Variants in VWA5B1 observed in about 807,000 individuals in gnomAD.
The protein encoded by VWA5B1 is von Willebrand factor A domain containing 5B1, also known as von Willebrand factor A domain-containing protein 5B1.
A neutral mutation model predicts 118.2 loss-of-function variants in VWA5B1; 115 were observed. The observed-to-expected ratio is 0.97, with a 90% confidence interval of 0.84 to 1.14. The LOEUF (loss-of-function observed/expected upper bound fraction) is 1.14. Ranked by LOEUF, VWA5B1 falls within the 50% of genes most tolerant of loss-of-function variation. The pLI, the probability that VWA5B1 is intolerant of heterozygous loss-of-function variation, is 0.00. For synonymous variants in VWA5B1, 682 were observed against 658.4 expected, an observed-to-expected ratio of 1.04 and a Z score of -0.55; for missense variants, 1,596 against 1,603.8, an observed-to-expected ratio of 1.00 and a Z score of 0.08.
rs12097335 is a variant in VWA5B1 at position 20,322,047 on chromosome 1, G to A, written c.967-1309G>A. Among the ~76,000 whole-genome samples, 11 of 152,168 alleles carry A rather than the reference G, an allele frequency of 7.2e-5. No individual in the cohort carries two copies. In the East Asian group the frequency reaches 2.1e-3, roughly 29 times the overall value. On this transcript the variant is annotated intron_variant, in intron 7 of 21. Coordinates refer to ENST00000289815, the MANE Select transcript of VWA5B1 (RefSeq NM_001039500.3). ...GCAGGATGAGACTATTGCAAAGGTC[G>A]AGAGAGAGAGACAGTCCTCTCCTGA...
In VWA5B1 at chr1:20,323,550, C is replaced by T. The variant is rs1219158019; in HGVS notation, c.1143+18C>T. 3.6e-6 allele frequency: 5 copies of T among 1,385,882 alleles called. No individual in the cohort carries two copies. Among genetic ancestry groups the T allele is most frequent in the South Asian group, 1.7e-5 (1 of 59,838 alleles). 85.8% of individuals were successfully genotyped at this position (1,385,882 alleles called of 1,614,324 possible). On this transcript the variant is annotated intron_variant, in intron 8 of 21. Coordinates refer to ENST00000289815, the MANE Select transcript of VWA5B1 (RefSeq NM_001039500.3). Reference sequence around the variant, plus strand: ...GAGTCAAGGTACCTGCTGAGAGAACCCCTCCCGAGGACCCGGGGCTCCAGG... The same window carrying T: ...GAGTCAAGGTACCTGCTGAGAGAACTCCTCCCGAGGACCCGGGGCTCCAGG...
intron 8 of VWA5B1, among the ~76,000 whole-genome samples, chr1:20,327,008 C>T (rs1325196779): frequency 3.3e-5 from 5 of 152,112 alleles, no homozygotes; most frequent in Admixed American, 2.6e-4. Flanking sequence ...TCATAACCAT[C>T]GTCACCATCA....
At chr1:20,311,982 G>A (rs2088863619) in intron 2 of VWA5B1, among the ~76,000 whole-genome samples, 1 of 152,190 alleles carries the variant, frequency 6.6e-6, no homozygotes. Context: ...CGTGCAGAAG[G>A]AACAAGTGCC....
At chr1:20,335,358 A>G (rs2089682862) in intron 12 of VWA5B1, among the ~76,000 whole-genome samples, 1 of 152,212 alleles carries the variant, frequency 6.6e-6, no homozygotes, top group Admixed American at 6.5e-5. Context: ...GAATTTCCAA[A>G]GTGTTTCAAG....
At position 20,352,150 on chromosome 1, in the gene VWA5B1, A is replaced by G; in HGVS notation, c.3119A>G (p.Gln1040Arg). The change falls in exon 21 of 22, where the codon CAG becomes CGG. Residue 1040 changes from glutamine (Q) to arginine (R), a missense_variant. Gln to Arg is a conservative substitution (Grantham distance 43, BLOSUM62 1). Coordinates refer to ENST00000289815, the MANE Select transcript of VWA5B1 (RefSeq NM_001039500.3). ...GCTGTGGAGTCGACCTCCGGGAACC[A>G]GAGCTTCGACTACATACCTCTGGTG... The part of the protein sequence containing the change: ...IKAVESTSGN[Q>R]SFDYIPLVSL... The G allele has an allele frequency of 6.4e-7, 1 of 1,551,314 alleles. No homozygotes were observed. Among genetic ancestry groups the G allele is most frequent in the African/African-American group, 1.4e-5 (1 of 73,130 alleles).
intron 18 of VWA5B1, 67 bp downstream of exon 18, chr1:20,348,425 C>G: frequency 4.0e-6 from 6 of 1,492,576 alleles, no homozygotes; most frequent in Non-Finnish European, 5.5e-6. Context: ...CTGAGGTTAC[C>G]GCGTCCTCCT....
In VWA5B1 at chr1:20,336,229, C is replaced by A. The variant is rs558589774; in HGVS notation, c.1759-74C>A. The A allele has an allele frequency of 2.5e-5, 31 of 1,255,332 alleles. No individual in the cohort carries two copies. In the African/African-American group the frequency reaches 3.7e-4, roughly 15 times the overall value. The allele number at this position is 1,255,332 out of a possible 1,614,324, so 77.8% of individuals were successfully genotyped here. ...GAAAACCGCACCACCTCTGCTCACA[C>A]CCCTTGCTCCCTGCGGAAGTCCTTC... On this transcript the variant is annotated intron_variant, in intron 12 of 21. Transcript: ENST00000289815.
chr1:20,315,220 G>C (rs1206385045), intron 4 of VWA5B1, among the ~76,000 whole-genome samples: 1 of 152,194 alleles, frequency 6.6e-6, no homozygotes, highest in East Asian at 1.9e-4. Flanking sequence ...AAAGCAGCAG[G>C]GACAAAGGCC....
chr1:20,350,346 C>A, intron 19 of VWA5B1, 116 bp downstream of exon 19: 1 of 1,137,282 alleles, frequency 8.8e-7, no homozygotes, highest in Non-Finnish European at 1.3e-6. Flanking sequence ...GTCCTCAAAG[C>A]AGCCGTCTGC....
rs1346152742 is a variant in VWA5B1 at position 20,314,439 on chromosome 1, C to A, written c.410C>A (p.Pro137His). The A allele has an allele frequency of 6.4e-7, 1 of 1,551,864 alleles. No individual in the cohort carries two copies. The highest frequency in any genetic ancestry group is 8.7e-7 in the Non-Finnish European group (1 of 1,147,034). The change falls in exon 4 of 22, where the codon CCC (proline) becomes CAC (histidine). Residue 137 changes from proline (P) to histidine (H), a missense_variant. Transcript: ENST00000289815. ...GTGGCCAACCTGGGGACCATTGCCC[C>A]CATGGAGAATGTCACCATCTTCATC... is the stretch of plus-strand genomic sequence containing the variant. ...LFVANLGTIA[P>H]MENVTIFIST...
Position 20,314,426 on chromosome 1 carries a change from G to C in VWA5B1, c.397G>C (p.Gly133Arg), listed in dbSNP as rs935574757. 2 of 1,551,798 alleles carry C rather than the reference G, an allele frequency of 1.3e-6. No homozygotes were observed. The highest frequency in any genetic ancestry group is 1.7e-6 in the Non-Finnish European group (2 of 1,147,046). Residue 133 changes from glycine to arginine, a missense_variant, in exon 4 of 22, where the codon GGG becomes CGG. Physicochemically the swap from Gly to Arg is moderately radical, Grantham distance 125. Coordinates refer to ENST00000289815, the MANE Select transcript of VWA5B1 (RefSeq NM_001039500.3). ...LERILFVANLGTIAPMENVTI... is the reference protein window; with the variant it reads ...LERILFVANLRTIAPMENVTI... Reference sequence around the variant, plus strand: ...GCGGATCCTGTTCGTGGCCAACCTGGGGACCATTGCCCCCATGGAGAATGT... The same window carrying C: ...GCGGATCCTGTTCGTGGCCAACCTGCGGACCATTGCCCCCATGGAGAATGT...
intron 12 of VWA5B1, 46 bp from the exon 13 acceptor site, chr1:20,336,257 G>T: frequency 7.7e-7 from 1 of 1,294,098 alleles, no homozygotes; most frequent in Non-Finnish European, 9.9e-7. Context: ...AGTCCTTCCT[G>T]ACACCTAGCC....
At chr1:20,324,220 A>G (rs2089307483) in intron 8 of VWA5B1, among the ~76,000 whole-genome samples, 1 of 152,204 alleles carries the variant, frequency 6.6e-6, no homozygotes, top group South Asian at 2.1e-4. Context: ...GCTGTCCTCA[A>G]GGAGCTGACA....
At chr1:20,332,973 C>A in intron 12 of VWA5B1, 22 bp downstream of exon 12, 1 of 1,550,420 alleles carries the variant, frequency 6.4e-7, no homozygotes, top group South Asian at 1.2e-5. Context: ...AGAAATTCCA[C>A]GGGTCCGTGT....
At chr1:20,331,372 T>G (rs1459438795) in intron 11 of VWA5B1, among the ~76,000 whole-genome samples, 1 of 152,216 alleles carries the variant, frequency 6.6e-6, no homozygotes, top group Non-Finnish European at 1.5e-5. Context: ...TAGTCTGCTT[T>G]CCATGTCCTG....
chr1:20,348,204 A>G, intron 17 of VWA5B1, 41 bp from the exon 18 acceptor site: 1 of 1,534,612 alleles, frequency 6.5e-7, no homozygotes. Flanking sequence ...GGACTGGCAC[A>G]TTTGTACCCA....
In VWA5B1 at chr1:20,350,151, C is replaced by T; in HGVS notation, c.2879-5C>T. 1.9e-6 allele frequency: 3 copies of T among 1,551,198 alleles called. No individual in the cohort carries two copies. Among genetic ancestry groups the T allele is most frequent in the Non-Finnish European group, 2.6e-6 (3 of 1,146,934 alleles). On this transcript the variant is annotated splice_polypyrimidine_tract_variant and splice_region_variant and intron_variant, in intron 18 of 21. Coordinates refer to ENST00000289815, the MANE Select transcript of VWA5B1 (RefSeq NM_001039500.3). ...GGTCCAGCCTCACTGGCTCCTCTGT[C>T]CTAGACATGGAGGCAAGTCCCACTG... is the stretch of plus-strand genomic sequence containing the variant.
Position 20,354,149 on chromosome 1 carries a change from G to A in VWA5B1, c.3534G>A (p.Glu1178=), listed in dbSNP as rs574615182. The A allele has an allele frequency of 2.6e-5, 41 of 1,551,366 alleles. No individual in the cohort carries two copies. The African/African-American group carries it at 5.5e-4, about 21-fold the overall frequency. Residue 1178 remains glutamate, a synonymous_variant, in exon 22 of 22, where the codon GAG becomes GAA. Coordinates refer to ENST00000289815, the MANE Select transcript of VWA5B1 (RefSeq NM_001039500.3). ...GGCTGGAGCAGCAGGAAGTACCCGA[G>A]GGCCGCACGCAGGGCACACTCAAGG... ...NSWLEQQEVP[E]GRTQGTLKAA... is the part of the protein sequence containing the mutation.
Position 20,318,570 on chromosome 1 carries a change from T to G in VWA5B1, c.710-20T>G, listed in dbSNP as rs1161959822. On this transcript the variant is annotated intron_variant, in intron 5 of 21. Coordinates refer to ENST00000289815, the MANE Select transcript of VWA5B1 (RefSeq NM_001039500.3). ...TGACCTCATGAGCCTATATCCCCCT[T>G]GCCTTTCTATGCCACTCAGGGGTGG... is the stretch of plus-strand genomic sequence containing the variant. 3 of 1,550,842 alleles carry G rather than the reference T, an allele frequency of 1.9e-6. No individual in the cohort carries two copies. Among genetic ancestry groups the G allele is most frequent in the Non-Finnish European group, 2.6e-6 (3 of 1,146,884 alleles).
Sources: allele counts gnomAD v4.1 joint callset (sites outside exome capture counted in the v4.1 genomes callset), GRCh38; gene constraint gnomAD v4.1.1; transcripts MANE v1.5; gene names NCBI Gene and HGNC (gene_info 2026-07-23, HGNC 2026-07-21).